Variants in SENP5 observed in about 807,000 individuals in gnomAD.
SENP5 encodes the protein SUMO specific peptidase 5.
In SENP5, 21 loss-of-function variants were observed where a neutral mutation model predicts 74.2. That is an observed-to-expected ratio of 0.28 (90% CI 0.20 to 0.41). The LOEUF is 0.41. SENP5 is among the 10% of genes least tolerant of loss of function. The probability of loss-of-function intolerance (pLI) is 1.00; values close to 1 mark genes in which losing one functional copy is unlikely to be tolerated. For synonymous variants in SENP5, 311 were observed against 312.7 expected, an observed-to-expected ratio of 0.99 and a Z score of 0.06; for missense variants, 717 against 889.1, an observed-to-expected ratio of 0.81 and a Z score of 2.46.
intron 9 of SENP5, among the ~76,000 whole-genome samples, chr3:196,930,570 C>G (rs1304163127): frequency 1.3e-5 from 2 of 152,086 alleles, no homozygotes; most frequent in Non-Finnish European, 2.9e-5. Flanking sequence ...ACTGCAGATG[C>G]GAGGGATCTA....
rs548130078 is a variant in SENP5, at chr3:196,903,677, G to T, written c.1884+67G>T. On this transcript the variant is annotated intron_variant, in intron 6 of 9. Transcript: ENST00000323460. ...GATGATAAACCACTTTGTGTGGAAG[G>T]ATAAGTACTTTAATGCCAATACGAT... 6.3e-5 allele frequency: 57 copies of T among 903,842 alleles called. No homozygotes were observed. The South Asian group carries it at 7.9e-4, about 12-fold the overall frequency. 56.0% of individuals were successfully genotyped at this position (903,842 alleles called of 1,614,324 possible).
At chr3:196,893,683 G>A (rs1714310892) in intron 2 of SENP5, among the ~76,000 whole-genome samples, 1 of 152,120 alleles carries the variant, frequency 6.6e-6, no homozygotes, top group East Asian at 1.9e-4. Flanking sequence ...GCCGAGGTGG[G>A]TGGATCACCT....
intron 1 of SENP5, among the ~76,000 whole-genome samples, chr3:196,875,834 A>G (rs1733088252): frequency 6.6e-6 from 1 of 152,024 alleles, no homozygotes; most frequent in South Asian, 2.1e-4. Context: ...TGCCCAAGCG[A>G]TCCTTCCACC....
intron 1 of SENP5, among the ~76,000 whole-genome samples, chr3:196,874,748 G>A (rs957456365): frequency 2.6e-5 from 4 of 152,118 alleles, no homozygotes; most frequent in Non-Finnish European, 5.9e-5. Flanking sequence ...GCGTGGTGGC[G>A]CATGCCTGTA....
chr3:196,906,289 G>C (rs1414101868), intron 6 of SENP5, among the ~76,000 whole-genome samples: 1 of 152,084 alleles, frequency 6.6e-6, no homozygotes, highest in Non-Finnish European at 1.5e-5. Flanking sequence ...TGAGGTCAAA[G>C]ACCAAATTTA....
chr3:196,875,934 A>G (rs959933785), intron 1 of SENP5, among the ~76,000 whole-genome samples: 1 of 152,008 alleles, frequency 6.6e-6, no homozygotes, highest in Non-Finnish European at 1.5e-5. Context: ...TTGCCCAGGC[A>G]GGTGATCTTG....
At position 196,931,738 on chromosome 3, in the gene SENP5, T is replaced by C; in HGVS notation, c.*815T>C. ...AAAAAAATCTTAACATCCATCAAACTAGTGGTCAAACAAATGAGAATGCAG... is the reference window on the plus strand; with the variant it reads ...AAAAAAATCTTAACATCCATCAAACCAGTGGTCAAACAAATGAGAATGCAG... On this transcript the variant is annotated 3_prime_UTR_variant, in exon 10 of 10. Transcript: ENST00000323460. 3.5e-6 allele frequency: 1 copy of C among 284,748 alleles called. No homozygotes were observed. Among genetic ancestry groups the C allele is most frequent in the South Asian group, 2.8e-5 (1 of 35,348 alleles). The allele number at this position is 284,748 out of a possible 1,614,324, so 17.6% of individuals were successfully genotyped here. A position where few individuals can be genotyped will look rare whatever the true frequency, so the allele number is the denominator to read the frequency against.
intron 5 of SENP5, among the ~76,000 whole-genome samples, chr3:196,902,611 T>TGTA (rs1714742775): frequency 6.6e-6 from 1 of 152,216 alleles, no homozygotes. Context: ...CTGACACTAC[T>TGTA]GGTCAGGTGA....
intron 2 of SENP5, among the ~76,000 whole-genome samples, chr3:196,896,397 T>C (rs1714441927): frequency 6.6e-6 from 1 of 152,194 alleles, no homozygotes; most frequent in Admixed American, 6.5e-5. Context: ...GCTAGTTAAG[T>C]GCCCTTGGGG....
At chr3:196,889,063 C>G (rs1447712556) in intron 2 of SENP5, among the ~76,000 whole-genome samples, 2 of 152,020 alleles carry the variant, frequency 1.3e-5, no homozygotes, top group Non-Finnish European at 2.9e-5. Flanking sequence ...TTGCATTGAG[C>G]TGAGATCGTG....
intron 1 of SENP5, among the ~76,000 whole-genome samples, chr3:196,884,354 A>G (rs1317344144): frequency 6.6e-6 from 1 of 152,222 alleles, no homozygotes; most frequent in African/African-American, 2.4e-5. Flanking sequence ...ATACTGCAGG[A>G]ACACACTCTA....
In SENP5 at chr3:196,886,355, A is replaced by G; in HGVS notation, c.1174A>G (p.Arg392Gly). ...SNTMFISETE[R>G]EIMTLGQENQ... The stretch of plus-strand genomic sequence containing the variant: ...TACCATGTTCATTTCAGAAACTGAA[A>G]GAGAAATTATGACTCTGGGTCAGGA... Residue 392 changes from arginine to glycine, a missense_variant, in exon 2 of 10, where the codon AGA becomes GGA. Coordinates refer to ENST00000323460, the MANE Select transcript of SENP5 (RefSeq NM_152699.5). The G allele has an allele frequency of 6.2e-7, 1 of 1,613,428 alleles. No homozygotes were observed. The highest frequency in any genetic ancestry group is 8.5e-7 in the Non-Finnish European group (1 of 1,179,742).
At chr3:196,883,242 AACTTTAGGCC>A (rs1713806217) in intron 1 of SENP5, among the ~76,000 whole-genome samples, 1 of 151,996 alleles carries the variant, frequency 6.6e-6, no homozygotes, top group South Asian at 2.1e-4. Flanking sequence ...CTGCTTCTTA[AACTTTAGGCC>A]ACCCTATTGA....
chr3:196,878,849 C>T (rs1397250722), intron 1 of SENP5, among the ~76,000 whole-genome samples: 1 of 152,174 alleles, frequency 6.6e-6, no homozygotes, highest in East Asian at 1.9e-4. Flanking sequence ...GCCTCGGCCT[C>T]CCAAAGTGCT....
At chr3:196,876,813 G>A (rs924154329) in intron 1 of SENP5, among the ~76,000 whole-genome samples, 1 of 151,392 alleles carries the variant, frequency 6.6e-6, no homozygotes, top group East Asian at 2.0e-4. Flanking sequence ...TGGAAAGTTG[G>A]GGCGAGCTCT....
chr3:196,896,486 G>A (rs56318472), intron 2 of SENP5, among the ~76,000 whole-genome samples: 4 of 151,954 alleles, frequency 2.6e-5, no homozygotes, highest in African/African-American at 7.3e-5. Context: ...ATGAGGTCTC[G>A]CTCTGTTGCC....
intron 8 of SENP5, among the ~76,000 whole-genome samples, chr3:196,928,167 C>G (rs1290058561): frequency 6.6e-6 from 1 of 152,160 alleles, no homozygotes; most frequent in East Asian, 1.9e-4. Context: ...TGGCACTTGC[C>G]TCTTGCATCA....
At chr3:196,873,212 T>G (rs1301222864) in intron 1 of SENP5, among the ~76,000 whole-genome samples, 2 of 151,842 alleles carry the variant, frequency 1.3e-5, no homozygotes, top group East Asian at 3.9e-4. Context: ...TAGCTGAGAT[T>G]ACAGGCACAT....
intron 6 of SENP5, chr3:196,914,586 A>AAAAAAAT: frequency 1.2e-4 from 4 of 33,502 alleles, no homozygotes; most frequent in African/African-American, 5.4e-4. Context: ...AAAAAAAAAA[A>AAAAAAAT]ATATATATAT....
Sources: allele counts gnomAD v4.1 joint callset (sites outside exome capture counted in the v4.1 genomes callset), GRCh38; gene constraint gnomAD v4.1.1; transcripts MANE v1.5; gene names NCBI Gene and HGNC (gene_info 2026-07-23, HGNC 2026-07-21).